The following RNFT2 variants were observed in gnomAD, a reference collection of about 807,000 sequenced individuals.
RNFT2 encodes the protein ring finger protein, transmembrane 2.
A neutral mutation model predicts 53.0 loss-of-function variants in RNFT2; 36 were observed. That is an observed-to-expected ratio of 0.68 (90% CI 0.52 to 0.90). The LOEUF (loss-of-function observed/expected upper bound fraction) is 0.90, where lower values mean the gene tolerates loss of function less well. RNFT2 is among the 40% of genes least tolerant of loss of function. The probability of loss-of-function intolerance (pLI) is 0.00; values close to 1 mark genes in which losing one functional copy is unlikely to be tolerated. For missense variants in RNFT2, 514 were observed against 585.6 expected, an observed-to-expected ratio of 0.88 and a Z score of 1.26; for synonymous variants, 260 against 253.2, an observed-to-expected ratio of 1.03 and a Z score of -0.26.
chr12:116,757,483 C>T (rs1300314805), intron 5 of RNFT2, among the ~76,000 whole-genome samples: 1 of 152,078 alleles, frequency 6.6e-6, no homozygotes, highest in African/African-American at 2.4e-5. Flanking sequence ...CCTATTAGCA[C>T]CACCTTTGCC....
Position 116,853,120 on chromosome 12 carries a change from G to A in RNFT2, c.*3672G>A, listed in dbSNP as rs138109695. On this transcript the variant is annotated 3_prime_UTR_variant, in exon 11 of 11. Transcript: ENST00000257575. ...TTTAACTTCTGTCCTAGGGAAAACA[G>A]TGTCTGATGAGGAGTGTTTCCAACA... 10 of 417,842 alleles carry A rather than the reference G, an allele frequency of 2.4e-5. No individual in the cohort carries two copies. In the East Asian group the frequency reaches 3.4e-4, roughly 14 times the overall value. The allele number at this position is 417,842 out of a possible 1,614,324, so 25.9% of individuals were successfully genotyped here.
At chr12:116,794,673 AGGGAGGGAGGGAG>A (rs1874413862) in intron 7 of RNFT2, among the ~76,000 whole-genome samples, 2 of 36,728 alleles carry the variant, frequency 5.4e-5, no homozygotes, top group Non-Finnish European at 8.2e-5. Context: ...GGAGGAAGGA[AGGGAGGGAGGGAG>A]GGAGGGAAGG....
At chr12:116,800,743 G>A (rs1161817655) in intron 7 of RNFT2, among the ~76,000 whole-genome samples, 1 of 151,930 alleles carries the variant, frequency 6.6e-6, no homozygotes, top group Non-Finnish European at 1.5e-5. Context: ...GAGCCTGGGA[G>A]GTGGAGGTTG....
At chr12:116,817,549 C>T (rs993274553) in intron 7 of RNFT2, among the ~76,000 whole-genome samples, 19 of 152,194 alleles carry the variant, frequency 1.2e-4, no homozygotes, top group Admixed American at 1.2e-3. Flanking sequence ...CTACTCAGTT[C>T]CTCTGATTTT....
At chr12:116,806,377 A>ATAT (rs66541257) in intron 7 of RNFT2, among the ~76,000 whole-genome samples, 24 of 127,108 alleles carry the variant, frequency 1.9e-4, no homozygotes, top group East Asian at 4.8e-4. Flanking sequence ...CAAAAAAAAA[A>ATAT]AAAAATATAT....
At chr12:116,797,841 T>G (rs1874577898) in intron 7 of RNFT2, among the ~76,000 whole-genome samples, 1 of 152,216 alleles carries the variant, frequency 6.6e-6, no homozygotes, top group Non-Finnish European at 1.5e-5. Context: ...AGGGGCAGTT[T>G]ATGCAGAAAT....
At chr12:116,806,146 C>T (rs1461249483) in intron 7 of RNFT2, among the ~76,000 whole-genome samples, 3 of 151,848 alleles carry the variant, frequency 2.0e-5, no homozygotes, top group South Asian at 2.1e-4. Flanking sequence ...TTTGGGAGGC[C>T]GAGGTGGGCA....
chr12:116,837,604 G>A (rs1393745201), intron 10 of RNFT2, among the ~76,000 whole-genome samples: 2 of 152,088 alleles, frequency 1.3e-5, no homozygotes, highest in Admixed American at 6.6e-5. Flanking sequence ...TTTTTAAATG[G>A]ATAATATATT....
Position 116,798,238 on chromosome 12 carries a change from G to A in RNFT2, c.882+18890G>A, listed in dbSNP as rs1439864199. Among the ~76,000 whole-genome samples, 7 of 150,272 alleles carry A rather than the reference G, an allele frequency of 4.7e-5. No homozygotes were observed. In the South Asian group the frequency reaches 1.3e-3, roughly 27 times the overall value. On this transcript the variant is annotated intron_variant, in intron 7 of 10. Coordinates refer to ENST00000257575, the MANE Select transcript of RNFT2 (RefSeq NM_001382266.1). ...GAGACTCTGTCTCAAAAAAAAAAAA[G>A]AAGCAGCAGCAGCAGCAAATATATG...
In RNFT2 at chr12:116,812,633, T is replaced by A. The variant is rs539580032; in HGVS notation, c.883-21159T>A. ...CACTGCAACCTCCACCTCCTGGGTT[T>A]AAACGGTTCTCCTGCCTCAGCCTCC... is the stretch of plus-strand genomic sequence containing the variant. On this transcript the variant is annotated intron_variant, in intron 7 of 10. Coordinates refer to ENST00000257575, the MANE Select transcript of RNFT2 (RefSeq NM_001382266.1). Among the ~76,000 whole-genome samples, 16 of 151,582 alleles carry A rather than the reference T, an allele frequency of 1.1e-4. 1 individual carries two copies. The East Asian group carries it at 3.2e-3, about 30-fold the overall frequency.
chr12:116,806,634 C>T (rs1432411392), intron 7 of RNFT2, among the ~76,000 whole-genome samples: 1 of 151,480 alleles, frequency 6.6e-6, no homozygotes, highest in African/African-American at 2.4e-5. Context: ...CACCTGTAGT[C>T]CCAGCTACTC....
intron 4 of RNFT2, among the ~76,000 whole-genome samples, chr12:116,750,873 T>TATTAC (rs1872198320): frequency 5.4e-3 from 6 of 1,112 alleles, no homozygotes; most frequent in Non-Finnish European, 0.024. Flanking sequence ...ATATATATAA[T>TATTAC]ATATATATTA....
At chr12:116,838,132 A>G (rs1323998165) in intron 10 of RNFT2, among the ~76,000 whole-genome samples, 2 of 152,204 alleles carry the variant, frequency 1.3e-5, no homozygotes, top group Admixed American at 6.5e-5. Context: ...TTATAGCTGC[A>G]TAATGTGCCA....
At chr12:116,820,020 A>C (rs1028341917) in intron 7 of RNFT2, among the ~76,000 whole-genome samples, 2 of 152,084 alleles carry the variant, frequency 1.3e-5, no homozygotes, top group Non-Finnish European at 2.9e-5. Context: ...TTTTAATGAG[A>C]TATTTTACCT....
Position 116,801,804 on chromosome 12 carries a change from T to TTTTG in RNFT2, c.882+22484_882+22487dup, listed in dbSNP as rs150647298. 3.8e-3 allele frequency among the ~76,000 whole-genome samples: 568 copies of TTTTG among 148,238 alleles called. 2 individuals carry two copies. Among genetic ancestry groups the TTTTG allele is most frequent in the Admixed American group, 6.1e-3 (91 of 15,024 alleles). Reference sequence around the variant, plus strand: ...GTTTGTTTGTTTTCTGTGGGGTTTTTTTTGTTTGTTTGTTTGTTTGTTTGT... The same window carrying TTTTG: ...GTTTGTTTGTTTTCTGTGGGGTTTTTTTTGTTTGTTTGTTTGTTTGTTTGTTTGT... On this transcript the variant is annotated intron_variant, in intron 7 of 10. Coordinates refer to ENST00000257575, the MANE Select transcript of RNFT2 (RefSeq NM_001382266.1).
chr12:116,839,024 A>G (rs1353387298), intron 10 of RNFT2, among the ~76,000 whole-genome samples: 1 of 152,228 alleles, frequency 6.6e-6, no homozygotes, highest in African/African-American at 2.4e-5. Context: ...GAATGAACAA[A>G]TGAATGAATG....
intron 5 of RNFT2, chr12:116,755,909 G>A: frequency 8.2e-7 from 1 of 1,221,006 alleles, no homozygotes; most frequent in Non-Finnish European, 1.2e-6. Flanking sequence ...AGTTCCGGCT[G>A]AAAGGAAAAG....
At chr12:116,768,048 T>C (rs1421199134) in intron 6 of RNFT2, among the ~76,000 whole-genome samples, 1 of 151,926 alleles carries the variant, frequency 6.6e-6, no homozygotes, top group Admixed American at 6.6e-5. Flanking sequence ...GAAATAATAA[T>C]TGCCTCTTGG....
intron 6 of RNFT2, among the ~76,000 whole-genome samples, chr12:116,768,698 A>G (rs1159315571): frequency 1.3e-5 from 2 of 150,438 alleles, no homozygotes; most frequent in East Asian, 2.0e-4. Context: ...TATTTTTACT[A>G]TACTTTTCAT....
Sources: allele counts gnomAD v4.1 joint callset (sites outside exome capture counted in the v4.1 genomes callset), GRCh38; gene constraint gnomAD v4.1.1; transcripts MANE v1.5; gene names NCBI Gene and HGNC (gene_info 2026-07-23, HGNC 2026-07-21).